Variants in SEMA5A observed in about 807,000 individuals in gnomAD.
SEMA5A encodes the protein semaphorin-5A.
A neutral mutation model predicts 135.5 loss-of-function variants in SEMA5A; 55 were observed. The ratio of observed to expected loss-of-function variants is 0.41; its 90% CI spans 0.33 to 0.51. SEMA5A has a LOEUF of 0.51. Ranked by LOEUF, SEMA5A falls within the 20% of genes least tolerant of loss-of-function variation. SEMA5A has a pLI of 0.37. For synonymous variants in SEMA5A, 580 were observed against 546.5 expected, an observed-to-expected ratio of 1.06 and a Z score of -0.85; for missense variants, 1,290 against 1,419.9, an observed-to-expected ratio of 0.91 and a Z score of 1.47.
At chr5:9,188,051 C>T (rs1744902622) in intron 11 of SEMA5A, among the ~76,000 whole-genome samples, 2 of 152,288 alleles carry the variant, frequency 1.3e-5, no homozygotes, top group East Asian at 1.9e-4. Context: ...TATGTTGAAG[C>T]CCTAATCCCC....
At chr5:9,306,730 C>T (rs531784668) in intron 5 of SEMA5A, among the ~76,000 whole-genome samples, 1 of 152,282 alleles carries the variant, frequency 6.6e-6, no homozygotes, top group South Asian at 2.1e-4. Context: ...GTGCCCTGTT[C>T]TATAAGGAGA....
intron 16 of SEMA5A, among the ~76,000 whole-genome samples, chr5:9,068,498 G>A (rs139208507): frequency 5.9e-5 from 9 of 152,222 alleles, no homozygotes; most frequent in East Asian, 3.9e-4. Flanking sequence ...TCACTCTGCC[G>A]TTCTCAGTTC....
At chr5:9,417,076 T>C (rs1757307111) in intron 2 of SEMA5A, among the ~76,000 whole-genome samples, 1 of 152,244 alleles carries the variant, frequency 6.6e-6, no homozygotes, top group Admixed American at 6.5e-5. Context: ...TAATTTTCTT[T>C]TATATCCTAC....
intron 3 of SEMA5A, among the ~76,000 whole-genome samples, chr5:9,353,928 C>A (rs187101937): frequency 4.2e-4 from 62 of 148,900 alleles, no homozygotes; most frequent in South Asian, 6.4e-4. Context: ...AGCCCCAAGT[C>A]AAACACCAAA....
At chr5:9,444,845 G>A (rs1240214049) in intron 1 of SEMA5A, among the ~76,000 whole-genome samples, 1 of 152,042 alleles carries the variant, frequency 6.6e-6, no homozygotes, top group African/African-American at 2.4e-5. Context: ...TTTGCCTCTT[G>A]GTTTGCCCGC....
At chr5:9,383,111 G>T (rs1367941083) in intron 2 of SEMA5A, among the ~76,000 whole-genome samples, 2 of 152,170 alleles carry the variant, frequency 1.3e-5, no homozygotes, top group Non-Finnish European at 2.9e-5. Flanking sequence ...ATGAGAAAAT[G>T]CTCATTGTCC....
intron 5 of SEMA5A, among the ~76,000 whole-genome samples, chr5:9,316,600 A>T (rs1318049456): frequency 6.6e-6 from 1 of 152,172 alleles, no homozygotes; most frequent in Non-Finnish European, 1.5e-5. Context: ...TATTTTAGAA[A>T]AGGTTATCTA....
At chr5:9,158,190 G>A (rs183670747) in intron 11 of SEMA5A, among the ~76,000 whole-genome samples, 38 of 152,262 alleles carry the variant, frequency 2.5e-4, no homozygotes, top group African/African-American at 7.2e-4. Flanking sequence ...GCTAAAGAGC[G>A]CTGATTAATA....
intron 15 of SEMA5A, among the ~76,000 whole-genome samples, chr5:9,111,338 G>T (rs1255792596): frequency 6.6e-6 from 1 of 152,104 alleles, no homozygotes; most frequent in Admixed American, 6.5e-5. Flanking sequence ...TACCAAAAAT[G>T]TTTATAAAAC....
intron 11 of SEMA5A, among the ~76,000 whole-genome samples, chr5:9,167,306 G>C (rs1743663424): frequency 6.6e-6 from 1 of 152,044 alleles, no homozygotes; most frequent in Non-Finnish European, 1.5e-5. Flanking sequence ...TTCCTCTCTG[G>C]CTTCAAAGAA....
At chr5:9,281,435 G>C (rs182325871) in intron 5 of SEMA5A, among the ~76,000 whole-genome samples, 2 of 152,210 alleles carry the variant, frequency 1.3e-5, no homozygotes, top group Admixed American at 6.5e-5. Flanking sequence ...TGCTACTGGC[G>C]TCTAGTGGAT....
intron 1 of SEMA5A, among the ~76,000 whole-genome samples, chr5:9,493,002 TA>T (rs1205287707): frequency 1.3e-5 from 2 of 152,114 alleles, no homozygotes; most frequent in African/African-American, 4.8e-5. Flanking sequence ...AACCCTAATG[TA>T]AACTATGAAC....
intron 7 of SEMA5A, among the ~76,000 whole-genome samples, chr5:9,225,555 C>T (rs560837104): frequency 1.8e-3 from 238 of 133,880 alleles, no homozygotes; most frequent in Middle Eastern, 4.3e-3. Context: ...GGAGGCAGAG[C>T]GAGACTCTGT....
intron 3 of SEMA5A, among the ~76,000 whole-genome samples, chr5:9,346,912 G>GTATATATATATATA (rs774727307): frequency 4.0e-5 from 6 of 149,972 alleles, no homozygotes; most frequent in South Asian, 2.1e-4. Context: ...GTGTGTGTGT[G>GTATATATATATATA]TGTATATATA....
At chr5:9,481,103 C>T (rs966507241) in intron 1 of SEMA5A, among the ~76,000 whole-genome samples, 20 of 152,014 alleles carry the variant, frequency 1.3e-4, no homozygotes, top group East Asian at 3.9e-4. Context: ...ATAACTACCA[C>T]GCCCAGCTAA....
intron 16 of SEMA5A, among the ~76,000 whole-genome samples, chr5:9,098,809 T>C (rs1306891127): frequency 6.6e-6 from 1 of 152,236 alleles, no homozygotes; most frequent in Non-Finnish European, 1.5e-5. Flanking sequence ...TATTTTAATA[T>C]CAAGTATTGA....
chr5:9,242,290 C>T (rs191473125), intron 5 of SEMA5A, among the ~76,000 whole-genome samples: 2 of 152,284 alleles, frequency 1.3e-5, no homozygotes, highest in Admixed American at 6.5e-5. Flanking sequence ...CATGGTCACA[C>T]GTGTCAGGGT....
chr5:9,414,267 G>GACAAGCAT (rs1757207896), intron 2 of SEMA5A, among the ~76,000 whole-genome samples: 1 of 152,126 alleles, frequency 6.6e-6, no homozygotes, highest in Non-Finnish European at 1.5e-5. Context: ...ATAAGACATG[G>GACAAGCAT]AAAACTACTT....
At chr5:9,088,635 A>ATTT (rs1561140770) in intron 16 of SEMA5A, among the ~76,000 whole-genome samples, 13 of 81,388 alleles carry the variant, frequency 1.6e-4, no homozygotes, top group African/African-American at 6.7e-4. Context: ...GCCTACATTT[A>ATTT]TAATATATAT....
Sources: allele counts gnomAD v4.1 joint callset (sites outside exome capture counted in the v4.1 genomes callset), GRCh38; gene constraint gnomAD v4.1.1; transcripts MANE v1.5; gene names NCBI Gene and HGNC (gene_info 2026-07-23, HGNC 2026-07-21).